The following ZFPM2 variants were observed in gnomAD, a reference collection of about 807,000 sequenced individuals.
The protein encoded by ZFPM2 is zinc finger protein ZFPM2.
Under a neutral mutation model 98.6 loss-of-function variants are expected in ZFPM2, and 20 were observed. That is an observed-to-expected ratio of 0.20 (90% CI 0.14 to 0.29). ZFPM2 has a LOEUF of 0.29. Ranked by LOEUF, ZFPM2 falls within the 10% of genes least tolerant of loss-of-function variation. ZFPM2 has a pLI of 1.00. For missense variants in ZFPM2, 1,310 were observed against 1,388.6 expected, an observed-to-expected ratio of 0.94 and a Z score of 0.90; for synonymous variants, 518 against 502.7, an observed-to-expected ratio of 1.03 and a Z score of -0.41.
intron 3 of ZFPM2, among the ~76,000 whole-genome samples, chr8:105,540,269 G>A (rs1463346432): frequency 6.6e-6 from 1 of 152,088 alleles, no homozygotes; most frequent in Non-Finnish European, 1.5e-5. Context: ...TAAGCAAGTA[G>A]TCTTCATGTT....
chr8:105,648,326 G>C (rs867160956), intron 5 of ZFPM2, among the ~76,000 whole-genome samples: 9 of 152,250 alleles, frequency 5.9e-5, no homozygotes, highest in Middle Eastern at 6.8e-3. Flanking sequence ...CATTCTGTAG[G>C]TTGCCTGTTC....
intron 1 of ZFPM2, among the ~76,000 whole-genome samples, chr8:105,356,933 C>A (rs1345143331): frequency 6.6e-6 from 1 of 152,176 alleles, no homozygotes; most frequent in African/African-American, 2.4e-5. Context: ...CAATTAACAG[C>A]ATGTCATTGC....
intron 2 of ZFPM2, among the ~76,000 whole-genome samples, chr8:105,437,736 A>AT (rs1161447095): frequency 6.6e-6 from 1 of 152,150 alleles, no homozygotes; most frequent in Non-Finnish European, 1.5e-5. Flanking sequence ...GGTGGCTGCC[A>AT]TTTTTAATGT....
intron 4 of ZFPM2, among the ~76,000 whole-genome samples, chr8:105,611,197 C>A (rs555722345): frequency 6.6e-5 from 10 of 152,016 alleles, no homozygotes; most frequent in Non-Finnish European, 1.3e-4. Flanking sequence ...AAATATTTAG[C>A]CAAGAGAGCC....
intron 3 of ZFPM2, among the ~76,000 whole-genome samples, chr8:105,533,652 CCCTCTCTCCT>C (rs1814346162): frequency 6.8e-6 from 1 of 146,080 alleles, no homozygotes. Context: ...CTCCCTCCCT[CCCTCTCTCCT>C]TTCCTTCGTT....
chr8:105,580,823 C>CTATATATATA (rs1458179596), intron 4 of ZFPM2, among the ~76,000 whole-genome samples: 27 of 129,336 alleles, frequency 2.1e-4, no homozygotes, highest in South Asian at 1.3e-3. Context: ...CTCTCTCTCT[C>CTATATATATA]TCTCTATATA....
intron 1 of ZFPM2, among the ~76,000 whole-genome samples, chr8:105,349,068 G>A (rs1812593816): frequency 6.6e-6 from 1 of 152,182 alleles, no homozygotes; most frequent in Admixed American, 6.5e-5. Context: ...ATGAGCCCAA[G>A]GAGCCTGGGT....
intron 1 of ZFPM2, among the ~76,000 whole-genome samples, chr8:105,330,633 C>CACATATATATATACATAT (rs1563607071): frequency 2.3e-5 from 2 of 85,440 alleles, no homozygotes; most frequent in Non-Finnish European, 4.7e-5. Flanking sequence ...TATATATATA[C>CACATATATATATACATAT]ATATATATAT....
chr8:105,629,878 T>G (rs1816725058), intron 4 of ZFPM2, among the ~76,000 whole-genome samples: 1 of 152,172 alleles, frequency 6.6e-6, no homozygotes, highest in Non-Finnish European at 1.5e-5. Context: ...GCCTTTCACT[T>G]CTAATTCTAA....
intron 5 of ZFPM2, among the ~76,000 whole-genome samples, chr8:105,654,575 C>A (rs1371605235): frequency 1.3e-5 from 2 of 150,032 alleles, no homozygotes; most frequent in South Asian, 2.1e-4. Context: ...TTTTTCTATC[C>A]TTTTTTTTTT....
At chr8:105,372,004 AATTATTATTATTATTATTATTATTATT>A (rs139489210) in intron 1 of ZFPM2, among the ~76,000 whole-genome samples, 2 of 145,728 alleles carry the variant, frequency 1.4e-5, no homozygotes, top group Non-Finnish European at 3.0e-5. Context: ...AAAATAGTGA[AATTATTATTATTATTATTATTATTATT>A]ATTATTATTA....
At chr8:105,611,867 T>G (rs1816314743) in intron 4 of ZFPM2, among the ~76,000 whole-genome samples, 1 of 151,608 alleles carries the variant, frequency 6.6e-6, no homozygotes, top group Admixed American at 6.6e-5. Context: ...CCTAGCTAAT[T>G]TTTTGTATTT....
intron 5 of ZFPM2, among the ~76,000 whole-genome samples, chr8:105,642,591 T>C (rs1205005442): frequency 6.6e-6 from 1 of 152,172 alleles, no homozygotes; most frequent in Non-Finnish European, 1.5e-5. Context: ...CTTTAGTAAC[T>C]CTGTGAAAGT....
At chr8:105,610,900 T>C (rs1346865226) in intron 4 of ZFPM2, among the ~76,000 whole-genome samples, 1 of 152,102 alleles carries the variant, frequency 6.6e-6, no homozygotes, top group Non-Finnish European at 1.5e-5. Flanking sequence ...TAGTGACAAG[T>C]GATATGTAGG....
In ZFPM2 at chr8:105,803,666, A is replaced by G; in HGVS notation, c.*128A>G. 3.3e-6 allele frequency: 3 copies of G among 910,642 alleles called. No homozygotes were observed. Among genetic ancestry groups the G allele is most frequent in the Non-Finnish European group, 5.0e-6 (3 of 599,598 alleles). 56.4% of individuals were successfully genotyped at this position (910,642 alleles called of 1,614,324 possible). A position where few individuals can be genotyped will look rare whatever the true frequency, so the allele number is the denominator to read the frequency against. On this transcript the variant is annotated 3_prime_UTR_variant, in exon 8 of 8. Coordinates refer to ENST00000407775, the MANE Select transcript of ZFPM2 (RefSeq NM_012082.4). ...AGATAATTCATTATGGCTGAGTTGA[A>G]GACTTAAGGTGTAATTTCATTACAG...
At chr8:105,406,637 C>T (rs1811464851) in intron 1 of ZFPM2, among the ~76,000 whole-genome samples, 1 of 151,906 alleles carries the variant, frequency 6.6e-6, no homozygotes, top group Non-Finnish European at 1.5e-5. Flanking sequence ...ATTGGTGTGT[C>T]CCAATGTGGG....
intron 4 of ZFPM2, among the ~76,000 whole-genome samples, chr8:105,582,203 T>C (rs1815616449): frequency 6.6e-6 from 1 of 152,204 alleles, no homozygotes; most frequent in African/African-American, 2.4e-5. Context: ...AGCTTTTAGG[T>C]AGGTGACCTA....
intron 1 of ZFPM2, among the ~76,000 whole-genome samples, chr8:105,384,084 C>G (rs943782248): frequency 5.3e-5 from 8 of 152,034 alleles, no homozygotes; most frequent in African/African-American, 1.9e-4. Context: ...GAATATTAGA[C>G]CAGTGTTAGC....
intron 1 of ZFPM2, among the ~76,000 whole-genome samples, chr8:105,365,420 G>A (rs1204955480): frequency 6.6e-6 from 1 of 152,058 alleles, no homozygotes; most frequent in Non-Finnish European, 1.5e-5. Flanking sequence ...GCAAACTTAA[G>A]GAATGAAGTA....
Sources: allele counts gnomAD v4.1 joint callset (sites outside exome capture counted in the v4.1 genomes callset), GRCh38; gene constraint gnomAD v4.1.1; transcripts MANE v1.5; gene names NCBI Gene and HGNC (gene_info 2026-07-23, HGNC 2026-07-21).